GRIP2: variants seen among roughly 807,000 people sequenced by gnomAD.
GRIP2 encodes the protein glutamate receptor interacting protein 2, also known as glutamate receptor-interacting protein 2.
A neutral mutation model predicts 108.3 loss-of-function variants in GRIP2; 58 were observed. The ratio of observed to expected loss-of-function variants is 0.54; its 90% CI spans 0.43 to 0.67. The LOEUF (loss-of-function observed/expected upper bound fraction) is 0.67. Ranked by LOEUF, GRIP2 falls within the 30% of genes least tolerant of loss-of-function variation. The pLI is 0.00. For synonymous variants in GRIP2, 586 were observed against 598.2 expected (o/e 0.98, Z 0.30); for missense variants, 1,278 against 1,430.6 (o/e 0.89, Z 1.72).
intron 23 of GRIP2, 101 bp downstream of exon 23, chr3:14,494,742 T>C: frequency 7.3e-7 from 1 of 1,374,052 alleles, no homozygotes; most frequent in Middle Eastern, 2.5e-4. Context: ...CAGACTTGCA[T>C]TGTCCTGCCC....
At chr3:14,576,273 A>G in the GRIP2 span, among the ~76,000 whole-genome samples, 3 of 152,226 alleles carry the variant, frequency 2.0e-5, no homozygotes, top group Non-Finnish European at 2.9e-5. Flanking sequence ...GCTTTCCTGC[A>G]TTCACTCTGT....
chr3:14,563,290 C>A, the GRIP2 span, among the ~76,000 whole-genome samples: 3 of 152,186 alleles, frequency 2.0e-5, no homozygotes, highest in Admixed American at 6.5e-5. Context: ...AAAAAAAGTT[C>A]TGTGGTTTGC....
rs994809777 is a variant in GRIP2 at position 14,517,325 on chromosome 3, C to T, written c.1157-112G>A. 5.5e-6 allele frequency: 6 copies of T among 1,099,086 alleles called. No homozygotes were observed. In the African/African-American group the frequency reaches 9.7e-5, roughly 18 times the overall value. 68.1% of individuals were successfully genotyped at this position (1,099,086 alleles called of 1,614,324 possible). ...CAGGGAGAGATGGGGATGCCTTCCCCCTTCACATCAGTTACTCATTGTGTG... is the reference window on the plus strand; with the variant it reads ...CAGGGAGAGATGGGGATGCCTTCCCTCTTCACATCAGTTACTCATTGTGTG... On this transcript the variant is annotated intron_variant, in intron 10 of 23. Transcript: ENST00000621039.
the GRIP2 span, among the ~76,000 whole-genome samples, chr3:14,592,927 C>T: frequency 6.6e-6 from 1 of 152,090 alleles, no homozygotes; most frequent in Non-Finnish European, 1.5e-5. Flanking sequence ...ATGCTACCAC[C>T]ATCTGACTCG....
At chr3:14,599,851 A>C in the GRIP2 span, among the ~76,000 whole-genome samples, 1 of 152,004 alleles carries the variant, frequency 6.6e-6, no homozygotes, top group Non-Finnish European at 1.5e-5. Context: ...TGTGGATCAC[A>C]CACAAACACA....
At chr3:14,555,281 C>T in intron 1 of GRIP2, among the ~76,000 whole-genome samples, 1 of 152,240 alleles carries the variant, frequency 6.6e-6, no homozygotes, top group Middle Eastern at 3.4e-3. Flanking sequence ...CCTCCTCCCC[C>T]ACACACAGCG....
the GRIP2 span, among the ~76,000 whole-genome samples, chr3:14,565,685 G>A: frequency 6.6e-6 from 1 of 152,238 alleles, no homozygotes; most frequent in Admixed American, 6.5e-5. Context: ...CAGCAGCACA[G>A]CACTGCCTTG....
chr3:14,572,838 C>A, the GRIP2 span: 7 of 1,081,414 alleles, frequency 6.5e-6, no homozygotes, highest in Non-Finnish European at 9.8e-6. Context: ...TCCCTGGAGC[C>A]CGCAGCCAGC....
intron 1 of GRIP2, among the ~76,000 whole-genome samples, chr3:14,527,984 C>T (rs1156824772): frequency 6.6e-6 from 1 of 152,138 alleles, no homozygotes; most frequent in Non-Finnish European, 1.5e-5. Context: ...TGGAAAATGT[C>T]TCCTGACCAC....
chr3:14,521,691 C>G lies in GRIP2; in HGVS notation c.663G>C (p.Gln221His), dbSNP rs1378918935. The change falls in exon 7 of 24, where the codon CAG becomes CAC. Residue 221 changes from glutamine (Q) to histidine (H), a missense_variant. Physicochemically the swap from Gln to His is conservative, Grantham distance 24. Coordinates refer to ENST00000621039, the MANE Select transcript of GRIP2 (RefSeq NM_001080423.4). The surrounding 1 kb of genome is among the most constrained non-coding windows in gnomAD (Gnocchi z 5.1). The stretch of plus-strand genomic sequence containing the variant: ...CCTGAAAGAGTGCCTCGTGGCTGCA[C>G]TGCCGCAGGGTGGCCAGGGCGGTGG... ...SHATALATLR[Q>H]CSHEALFQVE... is the part of the protein sequence containing the mutation. The G allele has an allele frequency of 1.2e-6, 2 of 1,611,858 alleles. No homozygotes were observed. The highest frequency in any genetic ancestry group is 2.7e-5 in the African/African-American group (2 of 74,904).
chr3:14,592,712 C>G, the GRIP2 span, among the ~76,000 whole-genome samples: 1 of 152,164 alleles, frequency 6.6e-6, no homozygotes, highest in Admixed American at 6.5e-5. Flanking sequence ...CTTGTGGTGG[C>G]CTAGCACAAA....
chr3:14,541,075 C>G (rs561475535), upstream of GRIP2, among the ~76,000 whole-genome samples: 2 of 152,378 alleles, frequency 1.3e-5, no homozygotes, highest in South Asian at 4.1e-4. Flanking sequence ...CTGCCCCGTC[C>G]CAGACCCAGC....
At position 14,517,756 on chromosome 3, in the gene GRIP2, A is replaced by G. The variant is rs1426910783; in HGVS notation, c.1156+16T>C. 1.2e-6 allele frequency: 2 copies of G among 1,609,952 alleles called. No homozygotes were observed. The highest frequency in any genetic ancestry group is 3.7e-4 in the Middle Eastern group (2 of 5,444). On this transcript the variant is annotated intron_variant, in intron 10 of 23. Transcript: ENST00000621039. ...GCTACAAGACTGGCTGAGCTACAGC[A>G]GGGCAGGCACATTACATCGGCTTTG...
chr3:14,566,638 G>C, the GRIP2 span, among the ~76,000 whole-genome samples: 14 of 152,348 alleles, frequency 9.2e-5, no homozygotes, highest in Admixed American at 9.1e-4. Context: ...CAAAGGGACA[G>C]TGTAAGCCAT....
chr3:14,597,579 T>A, the GRIP2 span, among the ~76,000 whole-genome samples: 17 of 152,172 alleles, frequency 1.1e-4, no homozygotes, highest in African/African-American at 3.9e-4. Context: ...AAAAAATTAT[T>A]TTCCAAGCCT....
rs1575003926 is a variant in GRIP2, at chr3:14,512,816, G to C, written c.1681C>G (p.Pro561Ala). The change falls in exon 14 of 24, where the codon CCC (proline) becomes GCC (alanine). Residue 561 changes from proline (P) to alanine (A), a missense_variant. Physicochemically the swap from Pro to Ala is conservative, Grantham distance 27. Coordinates refer to ENST00000621039, the MANE Select transcript of GRIP2 (RefSeq NM_001080423.4). The surrounding 1 kb of genome is among the most constrained non-coding windows in gnomAD (Gnocchi z 5.1). ...CCCAGCTCCACGCTGCGCTTCTTGGGCAGCTTCACGTGGAAGGTGCCACTG... is the reference window on the plus strand; with the variant it reads ...CCCAGCTCCACGCTGCGCTTCTTGGCCAGCTTCACGTGGAAGGTGCCACTG... ...PSSGTFHVKL[P>A]KKRSVELGIT... 6.2e-7 allele frequency: 1 copy of C among 1,613,708 alleles called. No individual in the cohort carries two copies. The highest frequency in any genetic ancestry group is 1.1e-5 in the South Asian group (1 of 91,082).
intron 9 of GRIP2, among the ~76,000 whole-genome samples, chr3:14,519,296 G>A (rs983154847): frequency 6.6e-6 from 1 of 152,168 alleles, no homozygotes; most frequent in Non-Finnish European, 1.5e-5. Context: ...CAGAAGATGG[G>A]GTTTGCAAAG....
chr3:14,581,664 A>G, the GRIP2 span, among the ~76,000 whole-genome samples: 441 of 152,048 alleles, frequency 2.9e-3, 2 homozygotes, highest in South Asian at 9.1e-3. Flanking sequence ...CAAAGCCAAC[A>G]GCCCAGAGAA....
chr3:14,540,369 C>T (rs1225690928), upstream of GRIP2: 2 of 1,610,948 alleles, frequency 1.2e-6, no homozygotes, highest in Non-Finnish European at 1.7e-6. This position sits in a 1 kb window ranked among gnomAD's most constrained non-coding sequence, Gnocchi z 4.1. Flanking sequence ...GCTTGGCCCT[C>T]CCTCCCCTCC....
Sources: allele counts gnomAD v4.1 joint callset (sites outside exome capture counted in the v4.1 genomes callset), GRCh38; gene constraint gnomAD v4.1.1; non-coding constraint Gnocchi (gnomAD v3.1); transcripts MANE v1.5; gene names NCBI Gene and HGNC (gene_info 2026-07-23, HGNC 2026-07-21).